Variants in NRXN1 observed in about 807,000 individuals in gnomAD.
NRXN1 encodes neurexin-1.
In NRXN1, 39 loss-of-function variants were observed where a neutral mutation model predicts 150.9. The observed-to-expected ratio is 0.26, with a 90% CI of 0.20 to 0.34. The LOEUF is 0.34. Among genes scored for constraint, NRXN1 ranks in the 10% least tolerant of loss-of-function variants. The probability of loss-of-function intolerance (pLI) is 1.00; values close to 1 mark genes in which losing one functional copy is unlikely to be tolerated. For missense variants in NRXN1, 1,815 were observed against 1,949.9 expected, an observed-to-expected ratio of 0.93 and a Z score of 1.30; for synonymous variants, 924 against 757.0, an observed-to-expected ratio of 1.22 and a Z score of -3.62.
chr2:50,599,793 T>C (rs1431459798), intron 8 of NRXN1, among the ~76,000 whole-genome samples: 3 of 152,212 alleles, frequency 2.0e-5, no homozygotes, highest in Admixed American at 6.5e-5. Flanking sequence ...AGCTAAAATA[T>C]GCATTATAAT....
At position 50,963,380 on chromosome 2, in the gene NRXN1, A is replaced by T. The variant is rs1315696639; in HGVS notation, c.773-37425T>A. 4.6e-5 allele frequency among the ~76,000 whole-genome samples: 7 copies of T among 151,124 alleles called. No individual in the cohort carries two copies. In the Admixed American group the frequency reaches 4.6e-4, roughly 10 times the overall value. On this transcript the variant is annotated intron_variant, in intron 2 of 22. Coordinates refer to ENST00000401669, the MANE Select transcript of NRXN1 (RefSeq NM_001330078.2). ...TTCTCCCTTTCACTTTCCTCCTTTC[A>T]TTCCCTGAAAACATTCTATACTGGT...
At chr2:50,198,629 C>T (rs2061929112) in intron 18 of NRXN1, among the ~76,000 whole-genome samples, 1 of 152,024 alleles carries the variant, frequency 6.6e-6, no homozygotes, top group African/African-American at 2.4e-5. Flanking sequence ...CAGCTTCAAG[C>T]AGAACCATCG....
intron 18 of NRXN1, among the ~76,000 whole-genome samples, chr2:50,112,160 A>G (rs1373949943): frequency 6.6e-6 from 1 of 152,184 alleles, no homozygotes; most frequent in African/African-American, 2.4e-5. Context: ...AAATGCAATT[A>G]TAGGACTTTA....
intron 18 of NRXN1, among the ~76,000 whole-genome samples, chr2:50,133,995 T>A (rs995945562): frequency 6.6e-6 from 1 of 152,138 alleles, no homozygotes; most frequent in Non-Finnish European, 1.5e-5. Flanking sequence ...TGCATCTCTT[T>A]CACTCGCCTG....
intron 15 of NRXN1, among the ~76,000 whole-genome samples, chr2:50,478,331 T>C (rs1185615915): frequency 2.0e-5 from 3 of 152,106 alleles, no homozygotes; most frequent in Admixed American, 6.5e-5. Flanking sequence ...AGTAAACAAA[T>C]ATAAACTTCT....
chr2:50,826,116 C>T (rs1670415121), intron 5 of NRXN1, among the ~76,000 whole-genome samples: 1 of 152,010 alleles, frequency 6.6e-6, no homozygotes, highest in Non-Finnish European at 1.5e-5. Flanking sequence ...TGTAAAGAAA[C>T]CAGAAGATGT....
chr2:50,185,933 A>C (rs1178141509), intron 18 of NRXN1, among the ~76,000 whole-genome samples: 1 of 152,070 alleles, frequency 6.6e-6, no homozygotes, highest in African/African-American at 2.4e-5. Flanking sequence ...AGCTTTGATA[A>C]GCCTCATTAC....
At chr2:50,578,802 T>C (rs535163712) in intron 8 of NRXN1, among the ~76,000 whole-genome samples, 63 of 152,264 alleles carry the variant, frequency 4.1e-4, no homozygotes, top group Admixed American at 7.2e-4. Flanking sequence ...TAGATCTAGA[T>C]CTAGACAGGC....
chr2:50,861,859 T>A (rs775502987), intron 5 of NRXN1, among the ~76,000 whole-genome samples: 1 of 152,054 alleles, frequency 6.6e-6, no homozygotes, highest in South Asian at 2.1e-4. Flanking sequence ...AGTGTATTAA[T>A]AGATTGTTTA....
chr2:50,765,134 A>C (rs983375411), intron 5 of NRXN1, among the ~76,000 whole-genome samples: 1 of 152,056 alleles, frequency 6.6e-6, no homozygotes, highest in African/African-American at 2.4e-5. Context: ...CATGAAACTA[A>C]CTTAACTACC....
At chr2:50,539,652 C>T (rs1487458984) in intron 9 of NRXN1, among the ~76,000 whole-genome samples, 1 of 152,202 alleles carries the variant, frequency 6.6e-6, no homozygotes, top group East Asian at 1.9e-4. Context: ...GATACCTGAA[C>T]AGAACACCAC....
intron 17 of NRXN1, among the ~76,000 whole-genome samples, chr2:50,253,578 T>C (rs982421804): frequency 6.6e-6 from 1 of 152,200 alleles, no homozygotes; most frequent in Non-Finnish European, 1.5e-5. Flanking sequence ...GATTTTGAGA[T>C]ATGTTACATT....
chr2:50,671,090 G>A (rs10203342), intron 5 of NRXN1, among the ~76,000 whole-genome samples: 2,356 of 151,662 alleles, frequency 0.016, 61 homozygotes, highest in African/African-American at 0.053. Context: ...TATCTTTTTT[G>A]TAATTCAAAA....
chr2:50,074,675 T>C (rs530099721), intron 19 of NRXN1, among the ~76,000 whole-genome samples: 4 of 152,294 alleles, frequency 2.6e-5, no homozygotes, highest in Non-Finnish European at 5.9e-5. Context: ...TCTTGACAAA[T>C]TGGTCTCTTG....
At chr2:50,056,882 G>A (rs1034052350) in intron 19 of NRXN1, among the ~76,000 whole-genome samples, 2 of 152,034 alleles carry the variant, frequency 1.3e-5, no homozygotes, top group African/African-American at 4.8e-5. Context: ...ACTCACATTG[G>A]CATAACACTT....
At chr2:50,672,229 T>C (rs1468858763) in intron 5 of NRXN1, among the ~76,000 whole-genome samples, 1 of 151,940 alleles carries the variant, frequency 6.6e-6, no homozygotes, top group East Asian at 1.9e-4. Flanking sequence ...GGCTTCTTCA[T>C]TATGTATCAT....
At chr2:50,415,636 A>G (rs1292944332) in intron 17 of NRXN1, among the ~76,000 whole-genome samples, 1 of 152,104 alleles carries the variant, frequency 6.6e-6, no homozygotes, top group African/African-American at 2.4e-5. Flanking sequence ...TGTCTTAACC[A>G]CCATTTACAT....
At chr2:50,912,021 A>G (rs1262992090) in intron 5 of NRXN1, among the ~76,000 whole-genome samples, 1 of 151,798 alleles carries the variant, frequency 6.6e-6, no homozygotes, top group African/African-American at 2.4e-5. Flanking sequence ...TATTCTTTTT[A>G]TTATCAAAAA....
At chr2:50,641,394 G>A (rs1478540838) in intron 5 of NRXN1, among the ~76,000 whole-genome samples, 1 of 152,064 alleles carries the variant, frequency 6.6e-6, no homozygotes, top group Non-Finnish European at 1.5e-5. Context: ...GTGGGCAGGT[G>A]GGTCAAGATT....
Sources: allele counts gnomAD v4.1 joint callset (sites outside exome capture counted in the v4.1 genomes callset), GRCh38; gene constraint gnomAD v4.1.1; transcripts MANE v1.5; gene names NCBI Gene and HGNC (gene_info 2026-07-23, HGNC 2026-07-21).